The following HERPUD2 variants were observed in gnomAD, a reference collection of about 807,000 sequenced individuals.
The protein encoded by HERPUD2 is homocysteine-responsive endoplasmic reticulum-resident ubiquitin-like domain member 2 protein.
Under a neutral mutation model 49.9 loss-of-function variants are expected in HERPUD2, and 13 were observed. The ratio of observed to expected loss-of-function variants is 0.26; its 90% CI spans 0.17 to 0.41. The LOEUF (loss-of-function observed/expected upper bound fraction) is 0.41, where lower values mean the gene tolerates loss of function less well. Ranked by LOEUF, HERPUD2 falls within the 10% of genes least tolerant of loss-of-function variation. The pLI is 1.00. For synonymous variants in HERPUD2, 172 were observed against 171.4 expected, an observed-to-expected ratio of 1.00 and a Z score of -0.03; for missense variants, 449 against 492.2, an observed-to-expected ratio of 0.91 and a Z score of 0.83.
Position 35,633,845 on chromosome 7 carries a change from G to A in HERPUD2, c.1066C>T (p.Leu356Phe). ...NNLELEEMER[L>F]MDDGLEDESG... ...TCATCTTCAAGCCCATCATCCATAA[G>A]ACGCTCCTTTCAAGCAAAACAAGAA... Residue 356 changes from leucine to phenylalanine, a missense_variant, in exon 9 of 9, where the codon CTT (leucine) becomes TTT (phenylalanine). By Grantham distance (22) the Leu-to-Phe change is conservative. Coordinates refer to ENST00000311350, the MANE Select transcript of HERPUD2 (RefSeq NM_022373.5). 1.2e-6 allele frequency: 2 copies of A among 1,612,770 alleles called. No homozygotes were observed. Among genetic ancestry groups the A allele is most frequent in the Middle Eastern group, 1.7e-4 (1 of 6,056 alleles).
At chr7:35,676,645 T>C (rs1785766744) in intron 2 of HERPUD2, among the ~76,000 whole-genome samples, 1 of 152,244 alleles carries the variant, frequency 6.6e-6, no homozygotes, top group African/African-American at 2.4e-5. Context: ...ACTTCTTCAG[T>C]AAGCAGAGCT....
chr7:35,635,937 T>C (rs1784864966), intron 6 of HERPUD2, among the ~76,000 whole-genome samples: 1 of 152,214 alleles, frequency 6.6e-6, no homozygotes, highest in African/African-American at 2.4e-5. Context: ...TGATTTGTAT[T>C]AGTATCCTAA....
chr7:35,677,865 T>C (rs2115999276), intron 2 of HERPUD2, among the ~76,000 whole-genome samples: 1 of 152,322 alleles, frequency 6.6e-6, no homozygotes, highest in African/African-American at 2.4e-5. Context: ...ATGACAGATG[T>C]AGCTAAAGAG....
chr7:35,690,335 G>A (rs915027838), intron 2 of HERPUD2, among the ~76,000 whole-genome samples: 4 of 152,270 alleles, frequency 2.6e-5, no homozygotes, highest in South Asian at 2.1e-4. Flanking sequence ...CTCCACATCC[G>A]AGGTTTTTAA....
chr7:35,684,233 A>C (rs1047484130), intron 2 of HERPUD2, among the ~76,000 whole-genome samples: 17 of 152,026 alleles, frequency 1.1e-4, no homozygotes, highest in Non-Finnish European at 2.4e-4. Context: ...AAAAATACAA[A>C]AACAAAATTA....
intron 5 of HERPUD2, among the ~76,000 whole-genome samples, chr7:35,662,021 C>T (rs1785435093): frequency 6.6e-6 from 1 of 152,074 alleles, no homozygotes; most frequent in South Asian, 2.1e-4. Flanking sequence ...GTGTCATAAA[C>T]AGCTTTTACT....
intron 5 of HERPUD2, among the ~76,000 whole-genome samples, chr7:35,662,272 T>C (rs751339252): frequency 3.9e-5 from 6 of 152,226 alleles, no homozygotes; most frequent in Non-Finnish European, 5.9e-5. Flanking sequence ...TGGATTCAGC[T>C]TGCCAGTATT....
At chr7:35,644,335 T>C (rs1350801419) in intron 5 of HERPUD2, among the ~76,000 whole-genome samples, 4 of 149,696 alleles carry the variant, frequency 2.7e-5, no homozygotes, top group Non-Finnish European at 5.9e-5. Flanking sequence ...CAATATAGGA[T>C]AAAGAAAAAT....
chr7:35,685,685 T>G (rs1786024293), intron 2 of HERPUD2, among the ~76,000 whole-genome samples: 1 of 151,920 alleles, frequency 6.6e-6, no homozygotes, highest in African/African-American at 2.4e-5. Flanking sequence ...TGAATTTAAT[T>G]TAAATATCAG....
At chr7:35,654,709 T>G (rs1450719876) in intron 5 of HERPUD2, among the ~76,000 whole-genome samples, 1 of 148,710 alleles carries the variant, frequency 6.7e-6, no homozygotes, top group African/African-American at 2.5e-5. Flanking sequence ...AGAATCATGC[T>G]CTGTTGCCCA....
intron 5 of HERPUD2, among the ~76,000 whole-genome samples, chr7:35,648,720 C>G (rs1319878978): frequency 1.3e-5 from 2 of 152,098 alleles, no homozygotes; most frequent in Non-Finnish European, 2.9e-5. Flanking sequence ...ATGTGTGCCA[C>G]GAAATTACTG....
At chr7:35,671,387 A>G (rs1039440440) in intron 3 of HERPUD2, among the ~76,000 whole-genome samples, 12 of 152,030 alleles carry the variant, frequency 7.9e-5, no homozygotes, top group African/African-American at 1.7e-4. Context: ...TTAGAATGCT[A>G]AAGAAAGGCT....
chr7:35,691,701 C>T (rs576670920), intron 2 of HERPUD2, among the ~76,000 whole-genome samples: 12 of 152,328 alleles, frequency 7.9e-5, no homozygotes, highest in Admixed American at 2.0e-4. Flanking sequence ...TCATTGCAGG[C>T]GGTCAGAAAA....
chr7:35,687,224 A>G (rs1562688934), intron 2 of HERPUD2, among the ~76,000 whole-genome samples: 1 of 152,220 alleles, frequency 6.6e-6, no homozygotes, highest in Non-Finnish European at 1.5e-5. Context: ...CAGAAGACTC[A>G]GGGTTCACAA....
chr7:35,639,929 A>G (rs1296022440), intron 5 of HERPUD2, among the ~76,000 whole-genome samples: 1 of 152,108 alleles, frequency 6.6e-6, no homozygotes, highest in East Asian at 1.9e-4. Context: ...CAATCTCCTA[A>G]TATTTTATAT....
At chr7:35,672,647 C>A (rs992993940) in intron 3 of HERPUD2, among the ~76,000 whole-genome samples, 1 of 152,048 alleles carries the variant, frequency 6.6e-6, no homozygotes, top group African/African-American at 2.4e-5. Flanking sequence ...ATAAATTCCA[C>A]AAATGAACAT....
intron 5 of HERPUD2, among the ~76,000 whole-genome samples, chr7:35,662,291 G>A (rs1252387554): frequency 2.0e-5 from 3 of 152,148 alleles, no homozygotes; most frequent in Admixed American, 6.5e-5. Flanking sequence ...TTTTATTGAG[G>A]ATTTTTACAT....
In HERPUD2 at chr7:35,633,731, T is replaced by TAA. The variant is rs749046854; in HGVS notation, c.1178_1179dup (p.Thr394LeufsTer4). The TAA allele has an allele frequency of 1.9e-6, 3 of 1,613,912 alleles. No individual in the cohort carries two copies. The highest frequency in any genetic ancestry group is 2.5e-6 in the Non-Finnish European group (3 of 1,179,896). ...GGAGGCCCCTCTGGTATTAGTGAAG[T>TAA]AAAGAAGGTGGTGATGAAAGACCAA... On this transcript the variant is annotated frameshift_variant, in exon 9 of 9. Transcript: ENST00000311350. LOFTEE classifies it high-confidence loss of function.
intron 2 of HERPUD2, among the ~76,000 whole-genome samples, chr7:35,679,103 A>C (rs1275474175): frequency 6.6e-6 from 1 of 152,204 alleles, no homozygotes; most frequent in East Asian, 1.9e-4. Context: ...AATGCAATAC[A>C]AGTTAAATAA....
Sources: gnomAD v4.1 joint callset for allele counts (sites outside exome capture counted in the v4.1 genomes callset) on GRCh38, gnomAD v4.1.1 for gene constraint, MANE v1.5 for transcripts, NCBI Gene and HGNC (gene_info 2026-07-23, HGNC 2026-07-21) for gene names.